CAMK1D: variants seen among roughly 807,000 people sequenced by gnomAD.
The protein encoded by CAMK1D is calcium/calmodulin-dependent protein kinase type 1D.
CAMK1D carries 9 observed loss-of-function variants against 47.7 expected under a neutral mutation model. That is an observed-to-expected ratio of 0.19 (90% CI 0.11 to 0.33). The LOEUF is 0.33. Ranked by LOEUF, CAMK1D falls within the 10% of genes least tolerant of loss-of-function variation. The probability of loss-of-function intolerance (pLI) is 1.00; values close to 1 mark genes in which losing one functional copy is unlikely to be tolerated. For synonymous variants in CAMK1D, 184 were observed against 184.9 expected (o/e 0.99, Z 0.04); for missense variants, 291 against 488.7 (o/e 0.60, Z 3.81).
Position 12,576,808 on chromosome 10 carries a change from C to G in CAMK1D, c.224+23452C>G, listed in dbSNP as rs142275364. ...GTACTGCCGTTCTGGAGACTCGGCT[C>G]TGTATTTCTAGAGCTTTGTAGACAA... On this transcript the variant is annotated intron_variant, in intron 2 of 10. Coordinates refer to ENST00000619168, the MANE Select transcript of CAMK1D (RefSeq NM_153498.4). 7.9e-5 allele frequency among the ~76,000 whole-genome samples: 12 copies of G among 152,276 alleles called. No individual in the cohort carries two copies. The East Asian group carries it at 2.1e-3, about 27-fold the overall frequency.
At chr10:12,759,325 G>C (rs1836387755) in intron 3 of CAMK1D, among the ~76,000 whole-genome samples, 1 of 152,220 alleles carries the variant, frequency 6.6e-6, no homozygotes, top group Admixed American at 6.5e-5. Context: ...CTGCATTCCA[G>C]CTTGGGCTGC....
At chr10:12,827,356 TTC>T (rs1414456017) in intron 10 of CAMK1D, among the ~76,000 whole-genome samples, 2 of 69,532 alleles carry the variant, frequency 2.9e-5, no homozygotes, top group Non-Finnish European at 6.1e-5. Flanking sequence ...CCTTCTTCCT[TTC>T]TTTCTTTCTC....
At chr10:12,739,224 G>A (rs1050667292) in intron 3 of CAMK1D, among the ~76,000 whole-genome samples, 1 of 152,214 alleles carries the variant, frequency 6.6e-6, no homozygotes, top group South Asian at 2.1e-4. Flanking sequence ...GCAACAGAGA[G>A]AAACCCTGTC....
intron 3 of CAMK1D, among the ~76,000 whole-genome samples, chr10:12,670,772 C>T (rs1319671958): frequency 2.0e-5 from 3 of 152,160 alleles, no homozygotes; most frequent in Non-Finnish European, 4.4e-5. Flanking sequence ...TGGTCTTGAA[C>T]TCCTGACCTC....
At chr10:12,490,340 G>A (rs920665303) in intron 1 of CAMK1D, among the ~76,000 whole-genome samples, 6 of 152,174 alleles carry the variant, frequency 3.9e-5, no homozygotes, top group African/African-American at 1.4e-4. Flanking sequence ...TTATTCTGCT[G>A]CCCAGGGATG....
chr10:12,641,046 C>T (rs1309016065), intron 2 of CAMK1D, among the ~76,000 whole-genome samples: 1 of 152,090 alleles, frequency 6.6e-6, no homozygotes, highest in African/African-American at 2.4e-5. Context: ...GCAACCTCAA[C>T]CTCCCTTGAA....
At chr10:12,647,890 G>A (rs550118514) in intron 2 of CAMK1D, among the ~76,000 whole-genome samples, 5 of 152,158 alleles carry the variant, frequency 3.3e-5, no homozygotes, top group Non-Finnish European at 7.3e-5. Context: ...CCTGAGAGCC[G>A]GCAGCACTGT....
chr10:12,454,621 C>A (rs1191694179), intron 1 of CAMK1D, among the ~76,000 whole-genome samples: 1 of 152,062 alleles, frequency 6.6e-6, no homozygotes, highest in Non-Finnish European at 1.5e-5. Context: ...CACTGCCATG[C>A]CTGGCAAATT....
intron 1 of CAMK1D, among the ~76,000 whole-genome samples, chr10:12,524,204 A>ATTTTTTGTATTT (rs1564390693): frequency 6.6e-6 from 1 of 151,828 alleles, no homozygotes; most frequent in Non-Finnish European, 1.5e-5. Context: ...TGAGATCGTA[A>ATTTTTTGTATTT]TCCGCCCATC....
intron 1 of CAMK1D, among the ~76,000 whole-genome samples, chr10:12,474,539 A>G (rs1194248527): frequency 6.6e-6 from 1 of 151,990 alleles, no homozygotes; most frequent in Non-Finnish European, 1.5e-5. Flanking sequence ...AAAACATTGC[A>G]TAACATAAAC....
intron 6 of CAMK1D, among the ~76,000 whole-genome samples, chr10:12,806,456 T>C (rs955856725): frequency 3.9e-5 from 6 of 152,232 alleles, no homozygotes; most frequent in African/African-American, 1.2e-4. Context: ...CCTGTCAGAC[T>C]GCTCTCTCTT....
intron 2 of CAMK1D, among the ~76,000 whole-genome samples, chr10:12,571,467 A>AG (rs1465760768): frequency 1.5e-4 from 22 of 151,050 alleles, no homozygotes; most frequent in African/African-American, 4.1e-4. Flanking sequence ...AAAAAAAAAA[A>AG]AAAAGAAAAA....
At chr10:12,713,314 T>C (rs1834004373) in intron 3 of CAMK1D, among the ~76,000 whole-genome samples, 1 of 152,226 alleles carries the variant, frequency 6.6e-6, no homozygotes, top group Middle Eastern at 3.2e-3. Flanking sequence ...AGGCAACTTG[T>C]GGACGATGCC....
intron 1 of CAMK1D, among the ~76,000 whole-genome samples, chr10:12,551,674 G>T (rs1836582391): frequency 6.6e-6 from 1 of 151,720 alleles, no homozygotes; most frequent in Admixed American, 6.6e-5. Context: ...AGAGGCAGAG[G>T]TTGCAGTGAG....
At chr10:12,783,852 G>A (rs1837605889) in intron 5 of CAMK1D, among the ~76,000 whole-genome samples, 1 of 152,168 alleles carries the variant, frequency 6.6e-6, no homozygotes, top group South Asian at 2.1e-4. Flanking sequence ...CTGGTGGTGA[G>A]TCTCACAGTA....
chr10:12,684,622 A>G (rs1033744608), intron 3 of CAMK1D, among the ~76,000 whole-genome samples: 7 of 152,362 alleles, frequency 4.6e-5, no homozygotes, highest in African/African-American at 1.7e-4. Flanking sequence ...AAAAAATCAC[A>G]TCACAGTATG....
At chr10:12,363,678 T>G (rs1564294173) in intron 1 of CAMK1D, among the ~76,000 whole-genome samples, 2 of 151,420 alleles carry the variant, frequency 1.3e-5, no homozygotes, top group Admixed American at 6.6e-5. Flanking sequence ...TTTTTTTTTT[T>G]TTTTTTTTTA....
intron 2 of CAMK1D, among the ~76,000 whole-genome samples, chr10:12,597,045 C>A (rs1198874279): frequency 4.6e-5 from 7 of 151,992 alleles, no homozygotes; most frequent in Non-Finnish European, 8.8e-5. Flanking sequence ...TTTATTGAGC[C>A]CCTTCAAAGC....
At chr10:12,532,968 T>C (rs1368719277) in intron 1 of CAMK1D, among the ~76,000 whole-genome samples, 8 of 60,322 alleles carry the variant, frequency 1.3e-4, no homozygotes, top group Non-Finnish European at 6.5e-5. Context: ...GGGGGGTGGG[T>C]AGGAAGTGGG....
Sources: allele counts gnomAD v4.1 joint callset (sites outside exome capture counted in the v4.1 genomes callset), GRCh38; gene constraint gnomAD v4.1.1; transcripts MANE v1.5; gene names NCBI Gene and HGNC (gene_info 2026-07-23, HGNC 2026-07-21).